SLC35A5: variants seen among roughly 807,000 people sequenced by gnomAD.
The protein encoded by SLC35A5 is solute carrier family 35 member A5.
In SLC35A5, 28 loss-of-function variants were observed where a neutral mutation model predicts 36.3. The ratio of observed to expected loss-of-function variants is 0.77; its 90% CI spans 0.57 to 1.06. The LOEUF is 1.06. Ranked by LOEUF, SLC35A5 falls within the 50% of genes least tolerant of loss-of-function variation. The pLI is 0.00. For missense variants in SLC35A5, 521 were observed against 499.3 expected (o/e 1.04, Z -0.41); for synonymous variants, 180 against 173.7 (o/e 1.04, Z -0.29).
Position 112,575,663 on chromosome 3 carries a change from T to C in SLC35A5, c.428+1707T>C, listed in dbSNP as rs1296669817. On this transcript the variant is annotated intron_variant, in intron 5 of 6. Transcript: ENST00000492406. ...ATGATTCTTAGACATATATTTGCTT[T>C]GTTGTTAACATCTCTCTGTTTTGAG... Among the ~76,000 whole-genome samples, 5 of 152,254 alleles carry C rather than the reference T, an allele frequency of 3.3e-5. No homozygotes were observed. The East Asian group carries it at 9.6e-4, about 29-fold the overall frequency.
chr3:112,574,150 A>G (rs1200151040), intron 5 of SLC35A5, among the ~76,000 whole-genome samples, 194 bp downstream of exon 5: 1 of 152,224 alleles, frequency 6.6e-6, no homozygotes, highest in Non-Finnish European at 1.5e-5. Context: ...CTCTGTGATC[A>G]GATGAATGAA....
chr3:112,568,569 G>A (rs756418563), intron 2 of SLC35A5, among the ~76,000 whole-genome samples: 6 of 152,102 alleles, frequency 3.9e-5, no homozygotes, highest in African/African-American at 1.2e-4. Flanking sequence ...ATTTCCTCTC[G>A]GCCCTAAAGG....
Position 112,583,233 on chromosome 3 carries a change from T to C in SLC35A5, c.*497T>C. The C allele has an allele frequency of 2.5e-6, 1 of 397,096 alleles. No individual in the cohort carries two copies. The highest frequency in any genetic ancestry group is 4.4e-5 in the Admixed American group (1 of 22,704). 24.6% of individuals were successfully genotyped at this position (397,096 alleles called of 1,614,324 possible). Reference sequence around the variant, plus strand: ...AGCAACGGGACCCTTTCTAAAAACGTTGGTTGAAGGACCTAAATACCTGGC... The same window carrying C: ...AGCAACGGGACCCTTTCTAAAAACGCTGGTTGAAGGACCTAAATACCTGGC... On this transcript the variant is annotated 3_prime_UTR_variant, in exon 7 of 7. Coordinates refer to ENST00000492406, the MANE Select transcript of SLC35A5 (RefSeq NM_017945.5).
At position 112,581,330 on chromosome 3, in the gene SLC35A5, A is replaced by G. The variant is rs1418782153; in HGVS notation, c.1209+4A>G. On this transcript the variant is annotated splice_donor_region_variant and intron_variant, in intron 6 of 6. Transcript: ENST00000492406. The stretch of plus-strand genomic sequence containing the variant: ...TCTTTGGGAGCGTTCCAGTGGGGTA[A>G]GTTTGTGAGGGTGTTCCTTTTTGCT... The G allele has an allele frequency of 1.9e-6, 3 of 1,583,154 alleles. No individual in the cohort carries two copies. In the South Asian group the frequency reaches 3.5e-5, roughly 18 times the overall value.
rs570003964 is a variant in SLC35A5, at chr3:112,569,757, T to C, written c.229+488T>C. On this transcript the variant is annotated intron_variant, in intron 3 of 6. Transcript: ENST00000492406. ...TAATTCCTTTCTCAAATGTAAAGTA[T>C]ATAGCCTTCCATGGAATGTATATGC... Among the ~76,000 whole-genome samples the C allele has an allele frequency of 1.7e-3, 266 of 152,354 alleles. No individual in the cohort carries two copies. The Middle Eastern group carries it at 0.02, about 12-fold the overall frequency.
At chr3:112,579,643 C>T (rs3773703) in intron 5 of SLC35A5, among the ~76,000 whole-genome samples, 10,178 of 152,122 alleles carry the variant, frequency 0.067, 427 homozygotes, top group Admixed American at 0.12. Context: ...GTGTCATTTC[C>T]TCTTTGAAGC....
intron 4 of SLC35A5, among the ~76,000 whole-genome samples, chr3:112,573,169 G>A (rs1294409305): frequency 6.6e-6 from 1 of 152,112 alleles, no homozygotes; most frequent in Non-Finnish European, 1.5e-5. Flanking sequence ...GGAAGGCAGG[G>A]TGAAGTACAT....
At chr3:112,576,353 C>T (rs186608550) in intron 5 of SLC35A5, among the ~76,000 whole-genome samples, 1 of 144,554 alleles carries the variant, frequency 6.9e-6, no homozygotes, top group African/African-American at 2.6e-5. Context: ...TGTTGATCTC[C>T]TGACCTTGTG....
Position 112,584,972 on chromosome 3 carries a change from G to A in SLC35A5, c.*2236G>A, listed in dbSNP as rs533034489. 1.9e-4 allele frequency: 29 copies of A among 152,310 alleles called. No homozygotes were observed. Among genetic ancestry groups the A allele is most frequent in the African/African-American group, 6.7e-4 (28 of 41,576 alleles). 9.4% of individuals were successfully genotyped at this position (152,310 alleles called of 1,614,324 possible). On this transcript the variant is annotated 3_prime_UTR_variant, in exon 7 of 7. Coordinates refer to ENST00000492406, the MANE Select transcript of SLC35A5 (RefSeq NM_017945.5). The stretch of plus-strand genomic sequence containing the variant: ...AAATACCACATGTTCTCACTTATAA[G>A]TGGGAGCTAAACAGTGGGTACATGT...
At chr3:112,561,373 A>AAG, upstream of SLC35A5, 10 of 1,424,384 alleles carry the variant, frequency 7.0e-6, no homozygotes, top group Non-Finnish European at 8.8e-6. Flanking sequence ...GCCCCGCCGG[A>AAG]GAAAGCGGGG....
At chr3:112,561,449 T>A, upstream of SLC35A5, 1 of 1,612,500 alleles carries the variant, frequency 6.2e-7, no homozygotes. Flanking sequence ...AACCCTGGCC[T>A]GGCTTACCTT....
intron 2 of SLC35A5, among the ~76,000 whole-genome samples, chr3:112,567,737 TCA>T (rs912695804): frequency 1.3e-5 from 2 of 152,140 alleles, no homozygotes; most frequent in Admixed American, 1.3e-4. Flanking sequence ...TGGAGGGAAA[TCA>T]CATACCATGT....
rs777654919 is a variant in SLC35A5 at position 112,580,927 on chromosome 3, ACT to A, written c.813_814del (p.Tyr272PhefsTer7). On this transcript the variant is annotated frameshift_variant, in exon 6 of 7. Transcript: ENST00000492406. LOFTEE classifies it high-confidence loss of function. ...AAAGCATCTTCATACAGAACAGCAAACTCTATTTCTTTGGCATTCTGTTTAAT... is the reference window on the plus strand; with the variant it reads ...AAAGCATCTTCATACAGAACAGCAAACTATTTCTTTGGCATTCTGTTTAAT... ...TESIFIQNSK[L>X]YFFGILFNGL... is the part of the protein sequence containing the mutation. 8 of 1,613,984 alleles carry A rather than the reference ACT, an allele frequency of 5.0e-6. No homozygotes were observed. In the African/African-American group the frequency reaches 5.3e-5, roughly 11 times the overall value.
At chr3:112,582,426 A>T (rs1383514078) in intron 6 of SLC35A5, among the ~76,000 whole-genome samples, 2 of 152,174 alleles carry the variant, frequency 1.3e-5, no homozygotes, top group African/African-American at 2.4e-5. Context: ...CTGCAAGACC[A>T]GCAGGTGGTG....
chr3:112,573,196 A>C (rs1934524202), intron 4 of SLC35A5, among the ~76,000 whole-genome samples: 1 of 152,206 alleles, frequency 6.6e-6, no homozygotes, highest in Non-Finnish European at 1.5e-5. Flanking sequence ...ATTTGCATTA[A>C]AAAATTATTA....
At chr3:112,563,590 CTT>C (rs1934051336) in intron 2 of SLC35A5, 57 bp downstream of exon 2, 12 of 1,477,588 alleles carry the variant, frequency 8.1e-6, no homozygotes, top group Non-Finnish European at 1.1e-5. Flanking sequence ...ACATCTCTCT[CTT>C]GCCTTTGGTT....
rs201193670 is a variant in SLC35A5, at chr3:112,573,875, C to T, written c.361-14C>T. 1.2e-6 allele frequency: 2 copies of T among 1,605,584 alleles called. No individual in the cohort carries two copies. The highest frequency in any genetic ancestry group is 1.3e-5 in the African/African-American group (1 of 74,810). ...TTCATTTGGATTGTAACTCTATCTT[C>T]TCTTTCTTTCTAGGCCATGGCTGTT... On this transcript the variant is annotated splice_polypyrimidine_tract_variant and intron_variant, in intron 4 of 6. Coordinates refer to ENST00000492406, the MANE Select transcript of SLC35A5 (RefSeq NM_017945.5).
Position 112,581,183 on chromosome 3 carries a change from TC to T in SLC35A5, c.1069del (p.Leu357TrpfsTer37), listed in dbSNP as rs1559864833. On this transcript the variant is annotated frameshift_variant, in exon 6 of 7. Transcript: ENST00000492406. LOFTEE classifies it high-confidence loss of function. ...VSVLVFDFRP[S>X]LEFFLEAPSV... is the part of the protein sequence containing the mutation. ...TGTCCTGGTCTTTGACTTCAGGCCC[TC>T]CCTGGAATTTTTCTTGGAAGCCCCA... 3 of 1,613,890 alleles carry T rather than the reference TC, an allele frequency of 1.9e-6. No homozygotes were observed. The South Asian group carries it at 3.3e-5, about 18-fold the overall frequency.
chr3:112,581,768 C>T (rs1471772551), intron 6 of SLC35A5, among the ~76,000 whole-genome samples: 2 of 152,130 alleles, frequency 1.3e-5, no homozygotes, highest in African/African-American at 2.4e-5. Flanking sequence ...GTTGGCCTTT[C>T]GTATTAGTAA....
Sources: allele counts gnomAD v4.1 joint callset (sites outside exome capture counted in the v4.1 genomes callset), GRCh38; gene constraint gnomAD v4.1.1; transcripts MANE v1.5; gene names NCBI Gene and HGNC (gene_info 2026-07-23, HGNC 2026-07-21).